The following AK2 variants were observed in gnomAD, a reference collection of about 807,000 sequenced individuals.
AK2 encodes adenylate kinase 2, mitochondrial.
A neutral mutation model predicts 24.6 loss-of-function variants in AK2; 15 were observed. The observed-to-expected ratio is 0.61, with a 90% confidence interval of 0.41 to 0.94. The LOEUF is 0.94. AK2 is among the 40% of genes least tolerant of loss of function. AK2 has a pLI of 0.00. For missense variants in AK2, 257 were observed against 304.1 expected, an observed-to-expected ratio of 0.85 and a Z score of 1.15; for synonymous variants, 102 against 114.0, an observed-to-expected ratio of 0.90 and a Z score of 0.67.
Position 33,012,384 on chromosome 1 carries a change from A to C in AK2, c.*797T>G. ...ATGATCCCTGTTCACACACTGACTC[A>C]CGTGGGTTTTCATCATGGGTTAGAA... On this transcript the variant is annotated 3_prime_UTR_variant, in exon 6 of 6. Coordinates refer to ENST00000672715, the MANE Select transcript of AK2 (RefSeq NM_001625.4). 2.0e-6 allele frequency: 3 copies of C among 1,518,298 alleles called. No individual in the cohort carries two copies. The highest frequency in any genetic ancestry group is 2.6e-6 in the Non-Finnish European group (3 of 1,137,568). 94.1% of individuals were successfully genotyped at this position (1,518,298 alleles called of 1,614,324 possible).
intron 1 of AK2, among the ~76,000 whole-genome samples, chr1:33,027,067 G>A (rs1013694126): frequency 1.3e-5 from 2 of 152,078 alleles, no homozygotes; most frequent in African/African-American, 4.8e-5. Context: ...TGGAAGTTGC[G>A]GCGAGCCGAG....
At position 33,011,046 on chromosome 1, in the gene AK2, TC is replaced by T; in HGVS notation, c.*2134del. On this transcript the variant is annotated 3_prime_UTR_variant, in exon 6 of 6. Transcript: ENST00000672715. ...ACCATACTGAGAAGGGTATATGCAT[TC>T]CCTATGAATCTTCCAGTTCTTATGG... The T allele has an allele frequency of 1.0e-6, 1 of 985,336 alleles. No homozygotes were observed. The allele number at this position is 985,336 out of a possible 1,614,324, so 61.0% of individuals were successfully genotyped here. A position where few individuals can be genotyped will look rare whatever the true frequency, so the allele number is the denominator to read the frequency against.
chr1:33,013,197 A>G lies in AK2; in HGVS notation c.704T>C (p.Leu235Ser). The change falls in exon 6 of 6, where the codon TTG becomes TCG. Residue 235 changes from leucine to serine, a missense_variant. Physicochemically the swap from Leu to Ser is moderately radical, Grantham distance 145 (BLOSUM62 -2). Coordinates refer to ENST00000672715, the MANE Select transcript of AK2 (RefSeq NM_001625.4). ...AAFSKATCKD[L>S]VMFI Reference sequence around the variant, plus strand: ...GACCCAACATTAGATAAACATAACCAAGTCTTTACATGTGGCTTTGGAGAA... The same window carrying G: ...GACCCAACATTAGATAAACATAACCGAGTCTTTACATGTGGCTTTGGAGAA... 1 of 1,614,094 alleles carries G rather than the reference A, an allele frequency of 6.2e-7. No homozygotes were observed. The highest frequency in any genetic ancestry group is 1.1e-5 in the South Asian group (1 of 91,086).
intron 1 of AK2, among the ~76,000 whole-genome samples, chr1:33,027,674 G>A (rs543602373): frequency 1.3e-5 from 2 of 151,652 alleles, no homozygotes; most frequent in East Asian, 3.9e-4. Flanking sequence ...TTGAACCCGT[G>A]AGGTGGAGGT....
chr1:33,020,188 AACACACACACACACACACACACACAC>A (rs56098182), intron 4 of AK2: 8 of 877,966 alleles, frequency 9.1e-6, no homozygotes, highest in Non-Finnish European at 1.4e-5. Context: ...AACATGTTAA[AACACACACACACACACACACACACAC>A]ACACACACAC....
intron 4 of AK2, among the ~76,000 whole-genome samples, chr1:33,015,549 G>A (rs1639130262): frequency 6.6e-6 from 1 of 152,216 alleles, no homozygotes; most frequent in Non-Finnish European, 1.5e-5. Context: ...TTCTCATGAA[G>A]GTCTATTAGA....
chr1:33,034,939 C>A (rs1192020463), intron 1 of AK2, among the ~76,000 whole-genome samples: 1 of 151,968 alleles, frequency 6.6e-6, no homozygotes, highest in African/African-American at 2.4e-5. Context: ...GTACTCCCAG[C>A]TACCTGGGAG....
intron 1 of AK2, among the ~76,000 whole-genome samples, chr1:33,025,860 A>G (rs1045762067): frequency 6.6e-6 from 1 of 152,188 alleles, no homozygotes; most frequent in African/African-American, 2.4e-5. Flanking sequence ...CCCCTGTCCT[A>G]ATCCTATATT....
intron 1 of AK2, among the ~76,000 whole-genome samples, chr1:33,028,581 C>T (rs1204126425): frequency 1.3e-5 from 2 of 152,046 alleles, no homozygotes; most frequent in African/African-American, 4.8e-5. Context: ...GCTTCCCGGC[C>T]TGGATGAGTG....
chr1:33,015,136 C>G (rs958566624), intron 4 of AK2, among the ~76,000 whole-genome samples: 2 of 152,252 alleles, frequency 1.3e-5, no homozygotes, highest in East Asian at 3.9e-4. Flanking sequence ...GGTTACAAAA[C>G]CAGGAAGGTA....
rs773912485 is a variant in AK2 at position 33,010,270 on chromosome 1, C to G, written c.*2911G>C. 29 of 454,760 alleles carry G rather than the reference C, an allele frequency of 6.4e-5. No individual in the cohort carries two copies. Among genetic ancestry groups the G allele is most frequent in the Middle Eastern group, 6.8e-4 (1 of 1,470 alleles). The allele number at this position is 454,760 out of a possible 1,614,324, so 28.2% of individuals were successfully genotyped here. A position where few individuals can be genotyped will look rare whatever the true frequency, so the allele number is the denominator to read the frequency against. On this transcript the variant is annotated 3_prime_UTR_variant, in exon 6 of 6. Transcript: ENST00000672715. ...TTCCATTTCATTCCCTTCCCCCTCC[C>G]CTTGATTCCAGTTTGCTTGATTTGT...
chr1:33,019,671 G>C (rs1639410051), intron 4 of AK2: 1 of 1,014,932 alleles, frequency 9.9e-7, no homozygotes, highest in African/African-American at 1.7e-5. Context: ...TGAAGGTATG[G>C]ACTACAAACA....
intron 4 of AK2, among the ~76,000 whole-genome samples, chr1:33,017,956 G>A (rs1259893950): frequency 6.6e-6 from 1 of 151,966 alleles, no homozygotes; most frequent in Non-Finnish European, 1.5e-5. Flanking sequence ...GTAGAGACGA[G>A]GTCTTGCTAT....
At position 33,012,369 on chromosome 1, in the gene AK2, T is replaced by C. The variant is rs929073408; in HGVS notation, c.*812A>G. 1 of 1,524,680 alleles carries C rather than the reference T, an allele frequency of 6.6e-7. No individual in the cohort carries two copies. The highest frequency in any genetic ancestry group is 8.8e-7 in the Non-Finnish European group (1 of 1,141,640). 94.4% of individuals were successfully genotyped at this position (1,524,680 alleles called of 1,614,324 possible). On this transcript the variant is annotated 3_prime_UTR_variant, in exon 6 of 6. Coordinates refer to ENST00000672715, the MANE Select transcript of AK2 (RefSeq NM_001625.4). The stretch of plus-strand genomic sequence containing the variant: ...AGGGGGAAAAAATTAATGATCCCTG[T>C]TCACACACTGACTCACGTGGGTTTT...
rs1638839344 is a variant in AK2, at chr1:33,011,836, A to T, written c.*1345T>A. The T allele has an allele frequency of 3.3e-6, 5 of 1,516,954 alleles. No individual in the cohort carries two copies. Among genetic ancestry groups the T allele is most frequent in the Non-Finnish European group, 4.4e-6 (5 of 1,136,482 alleles). The allele number at this position is 1,516,954 out of a possible 1,614,324, so 94.0% of individuals were successfully genotyped here. A position where few individuals can be genotyped will look rare whatever the true frequency, so the allele number is the denominator to read the frequency against. ...TCACAGGTGGTCTTATTTCTGGGTG[A>T]TCTTTTCTTGGGGAAGTCCATGGCT... On this transcript the variant is annotated 3_prime_UTR_variant, in exon 6 of 6. Coordinates refer to ENST00000672715, the MANE Select transcript of AK2 (RefSeq NM_001625.4).
intron 4 of AK2, among the ~76,000 whole-genome samples, chr1:33,018,460 A>T (rs528948228): frequency 6.6e-6 from 1 of 152,154 alleles, no homozygotes; most frequent in Non-Finnish European, 1.5e-5. Flanking sequence ...CAGAAAAGAA[A>T]AAGATCCATA....
chr1:33,009,530 C>T lies in AK2; in HGVS notation c.*3651G>A, dbSNP rs1040348081. The T allele has an allele frequency of 2.2e-6, 1 of 454,128 alleles. No individual in the cohort carries two copies. Among genetic ancestry groups the T allele is most frequent in the Non-Finnish European group, 4.4e-6 (1 of 226,790 alleles). The allele number at this position is 454,128 out of a possible 1,614,324, so 28.1% of individuals were successfully genotyped here. A position where few individuals can be genotyped will look rare whatever the true frequency, so the allele number is the denominator to read the frequency against. Reference sequence around the variant, plus strand: ...ACTAACATTTATCCAATGTCTGTTGCATGCCAGGTACTGAGCAAAAACCTT... The same window carrying T: ...ACTAACATTTATCCAATGTCTGTTGTATGCCAGGTACTGAGCAAAAACCTT... On this transcript the variant is annotated 3_prime_UTR_variant, in exon 6 of 6. Coordinates refer to ENST00000672715, the MANE Select transcript of AK2 (RefSeq NM_001625.4).
At chr1:33,019,615 T>A (rs1298197822) in intron 4 of AK2, 1 of 987,070 alleles carries the variant, frequency 1.0e-6, no homozygotes, top group Non-Finnish European at 1.2e-6. Context: ...CTTTCCAGGA[T>A]AATAGTGCTA....
At position 33,008,182 on chromosome 1, in the gene AK2, C is replaced by T; in HGVS notation, c.*4999G>A. 2.2e-6 allele frequency: 1 copy of T among 454,236 alleles called. No individual in the cohort carries two copies. Among genetic ancestry groups the T allele is most frequent in the Non-Finnish European group, 4.4e-6 (1 of 226,936 alleles). The allele number at this position is 454,236 out of a possible 1,614,324, so 28.1% of individuals were successfully genotyped here. ...GTGTTTACTAAGCATCTGCTGTGTC[C>T]TGGGCAGTCCAACCCACATGAGTAT... On this transcript the variant is annotated 3_prime_UTR_variant, in exon 6 of 6. Transcript: ENST00000672715.
Sources: allele counts gnomAD v4.1 joint callset (sites outside exome capture counted in the v4.1 genomes callset), GRCh38; gene constraint gnomAD v4.1.1; transcripts MANE v1.5; gene names NCBI Gene and HGNC (gene_info 2026-07-23, HGNC 2026-07-21).